PHEX: variants seen among roughly 807,000 people sequenced by gnomAD.
PHEX encodes the protein phosphate regulating endopeptidase X-linked.
Under a neutral mutation model 68.0 loss-of-function variants are expected in PHEX, and 16 were observed. The ratio of observed to expected loss-of-function variants is 0.24; its 90% CI spans 0.16 to 0.36. The LOEUF is 0.36. Among genes scored for constraint, PHEX ranks in the 10% least tolerant of loss-of-function variants. PHEX has a pLI of 1.00. For missense variants in PHEX, 480 were observed against 575.5 expected (o/e 0.83, Z 1.70); for synonymous variants, 208 against 205.1 (o/e 1.01, Z -0.12).
At chrX:22,243,659 CCAA>C (rs770762692) in intron 20 of PHEX, among the ~76,000 whole-genome samples, 129 of 112,383 alleles carry the variant, frequency 1.1e-3, no homozygotes, top group African/African-American at 4.0e-3. Context: ...ATTTATGCAG[CCAA>C]CAAACATATG....
chrX:22,243,941 G>A (rs185201518), intron 20 of PHEX, among the ~76,000 whole-genome samples: 12 of 111,896 alleles, frequency 1.1e-4, no homozygotes, highest in South Asian at 7.6e-4. Context: ...GGTATATACC[G>A]AAATAATTTT....
intron 2 of PHEX, among the ~76,000 whole-genome samples, chrX:22,044,574 G>A (rs965959758): frequency 1.3e-4 from 14 of 109,356 alleles, no homozygotes; most frequent in Non-Finnish European, 2.3e-4. Context: ...TTAGCCGGGC[G>A]TGGTGGCGGG....
At chrX:22,104,384 G>A (rs1366679419) in intron 9 of PHEX, among the ~76,000 whole-genome samples, 2 of 109,852 alleles carry the variant, frequency 1.8e-5, no homozygotes, top group South Asian at 4.0e-4. Context: ...TGGCCAGGGA[G>A]GGACCCTTGG....
intron 20 of PHEX, among the ~76,000 whole-genome samples, chrX:22,244,130 G>T (rs986119015): frequency 1.8e-5 from 2 of 111,600 alleles, no homozygotes; most frequent in Non-Finnish European, 3.8e-5. Context: ...CATGTTCTTT[G>T]CAGGGACATG....
Position 22,168,376 on chromosome X carries a change from A to G in PHEX, c.1469A>G (p.Glu490Gly). Residue 490 changes from glutamate (E) to glycine (G), a missense_variant, in exon 13 of 22, where the codon GAA becomes GGA. Physicochemically the swap from Glu to Gly is moderately conservative, Grantham distance 98 (BLOSUM62 -2). Transcript: ENST00000379374. The stretch of plus-strand genomic sequence containing the variant: ...ATAATGAATGATACTCATGTTAATG[A>G]AGACCTCAAAGCTGTAAGTGCTAAA... ...EFIMNDTHVN[E>G]DLKAIKFSEA... 8.5e-7 allele frequency: 1 copy of G among 1,172,430 alleles called. No homozygotes were observed. The highest frequency in any genetic ancestry group is 1.2e-6 in the Non-Finnish European group (1 of 859,820).
chrX:22,057,944 A>G (rs1479365628), intron 3 of PHEX, among the ~76,000 whole-genome samples: 2 of 111,519 alleles, frequency 1.8e-5, no homozygotes, highest in Non-Finnish European at 3.8e-5. Flanking sequence ...GTTTCACTCC[A>G]TCTCCTCCTG....
intron 11 of PHEX, among the ~76,000 whole-genome samples, chrX:22,115,098 C>T (rs1005312481): frequency 2.7e-5 from 3 of 111,362 alleles, no homozygotes; most frequent in Admixed American, 9.5e-5. Context: ...GAGGCTAAGC[C>T]GGGCAGATCA....
intron 12 of PHEX, among the ~76,000 whole-genome samples, chrX:22,146,265 G>A (rs1932690343): frequency 8.9e-6 from 1 of 111,984 alleles, no homozygotes; most frequent in Non-Finnish European, 1.9e-5. Flanking sequence ...TTGAAATACA[G>A]CATTTTATTA....
chrX:22,216,495 A>G (rs1229974979), intron 16 of PHEX, among the ~76,000 whole-genome samples: 68 of 20,771 alleles, frequency 3.3e-3, no homozygotes, highest in Middle Eastern at 0.03. Context: ...TTTTATGCTT[A>G]TTTATTTATT....
intron 15 of PHEX, among the ~76,000 whole-genome samples, chrX:22,209,600 C>A (rs1934824564): frequency 9.1e-6 from 1 of 110,230 alleles, no homozygotes; most frequent in South Asian, 4.0e-4. Context: ...CTTCCTACAC[C>A]TTGGCCAATA....
At chrX:22,168,084 T>C (rs1933395219) in intron 12 of PHEX, among the ~76,000 whole-genome samples, 2 of 111,617 alleles carry the variant, frequency 1.8e-5, no homozygotes, top group Admixed American at 9.5e-5. Context: ...TTAAATTTTT[T>C]ATTTTGTTTA....
chrX:22,107,118 T>C (rs181267543), intron 9 of PHEX, among the ~76,000 whole-genome samples: 15 of 112,111 alleles, frequency 1.3e-4, no homozygotes, highest in African/African-American at 4.5e-4. Context: ...TCTCCTCATA[T>C]GTAAAATGGG....
intron 13 of PHEX, chrX:22,172,983 T>A (rs1010299143): frequency 3.7e-5 from 4 of 108,737 alleles, no homozygotes; most frequent in Non-Finnish European, 5.7e-5. Flanking sequence ...CTGTGGTGGG[T>A]CTGGTCTACT....
At position 22,032,666 on chromosome X, in the gene PHEX, T is replaced by A. The variant is rs1316033805; in HGVS notation, c.-340T>A. On this transcript the variant is annotated 5_prime_UTR_variant, in exon 1 of 22. Transcript: ENST00000379374. ...TATACATTTAAATAGCTAAAACATC[T>A]GTTCAGCAACATAGTAAAACATATA... is the stretch of plus-strand genomic sequence containing the variant. 1 of 199,539 alleles carries A rather than the reference T, an allele frequency of 5.0e-6. No individual in the cohort carries two copies. Among genetic ancestry groups the A allele is most frequent in the Non-Finnish European group, 9.2e-6 (1 of 108,533 alleles). 16.4% of individuals were successfully genotyped at this position (199,539 alleles called of 1,213,427 possible).
intron 7 of PHEX, among the ~76,000 whole-genome samples, chrX:22,094,562 A>T (rs1930050997): frequency 8.9e-6 from 1 of 112,580 alleles, no homozygotes; most frequent in Non-Finnish European, 1.9e-5. Flanking sequence ...GCTCAGGGAA[A>T]TCTGTCCACC....
Position 22,043,122 on chromosome X carries a change from AT to A in PHEX, c.188-3924del, listed in dbSNP as rs769737514. 4.4e-5 allele frequency among the ~76,000 whole-genome samples: 5 copies of A among 112,876 alleles called. No homozygotes were observed. The South Asian group carries it at 1.4e-3, about 32-fold the overall frequency. ...ATCTGTGGTTATATGCAATGTATTT[AT>A]TTTCTAAAATCTGAAAAATCTATGA... On this transcript the variant is annotated intron_variant, in intron 2 of 21. Coordinates refer to ENST00000379374, the MANE Select transcript of PHEX (RefSeq NM_000444.6).
chrX:22,217,983 T>G (rs1170126947), intron 16 of PHEX, among the ~76,000 whole-genome samples: 2 of 110,586 alleles, frequency 1.8e-5, no homozygotes, highest in Non-Finnish European at 3.8e-5. Context: ...ACAGCTGCTC[T>G]GTATGGTGCT....
intron 12 of PHEX, among the ~76,000 whole-genome samples, chrX:22,162,231 G>C (rs1482804816): frequency 8.9e-6 from 1 of 112,010 alleles, no homozygotes; most frequent in Non-Finnish European, 1.9e-5. Context: ...GCAGAGTCTG[G>C]CTTTGCTAGG....
chrX:22,184,483 G>T (rs1301209335), intron 14 of PHEX, among the ~76,000 whole-genome samples: 1 of 111,596 alleles, frequency 9.0e-6, no homozygotes. Flanking sequence ...AGGAGATAAA[G>T]ACCCTTTATC....
Sources: gnomAD v4.1 joint callset for allele counts (sites outside exome capture counted in the v4.1 genomes callset) on GRCh38, gnomAD v4.1.1 for gene constraint, MANE v1.5 for transcripts, NCBI Gene and HGNC (gene_info 2026-07-23, HGNC 2026-07-21) for gene names.